The following CACNA2D3 variants were observed in gnomAD, a reference collection of about 807,000 sequenced individuals.
The protein encoded by CACNA2D3 is voltage-dependent calcium channel subunit alpha-2/delta-3.
CACNA2D3 carries 60 observed loss-of-function variants against 160.6 expected under a neutral mutation model. The observed-to-expected ratio is 0.37, with a 90% confidence interval of 0.30 to 0.46. CACNA2D3 has a LOEUF of 0.46. Among genes scored for constraint, CACNA2D3 ranks in the 20% least tolerant of loss-of-function variants. The pLI is 1.00. For missense variants in CACNA2D3, 1,205 were observed against 1,365.0 expected, an observed-to-expected ratio of 0.88 and a Z score of 1.85; for synonymous variants, 558 against 492.9, an observed-to-expected ratio of 1.13 and a Z score of -1.75.
intron 2 of CACNA2D3, among the ~76,000 whole-genome samples, chr3:54,246,660 G>C (rs911015087): frequency 7.3e-5 from 11 of 151,586 alleles, no homozygotes; most frequent in Non-Finnish European, 1.2e-4. Context: ...GGAGACGGAG[G>C]CTGCAGTGAG....
chr3:54,846,507 ATT>A, intron 17 of CACNA2D3, 40 bp downstream of exon 17: 1 of 1,302,172 alleles, frequency 7.7e-7, no homozygotes, highest in African/African-American at 1.5e-5. Flanking sequence ...TGCTTTTATG[ATT>A]TTAAAAGATT....
At chr3:54,620,872 T>C (rs1410856995) in intron 9 of CACNA2D3, among the ~76,000 whole-genome samples, 1 of 152,194 alleles carries the variant, frequency 6.6e-6, no homozygotes, top group Non-Finnish European at 1.5e-5. Flanking sequence ...TTAGGGGTGT[T>C]AGGAGGATCA....
rs201337593 is a variant in CACNA2D3, at chr3:54,452,020, T to C, written c.382-51472T>C. Among the ~76,000 whole-genome samples, 29 of 152,338 alleles carry C rather than the reference T, an allele frequency of 1.9e-4. No homozygotes were observed. The East Asian group carries it at 4.8e-3, about 25-fold the overall frequency. ...CAATAACATGTTCATAATTTCCTTT[T>C]AATGCCTCACTAGAAGTACCTTTAA... is the stretch of plus-strand genomic sequence containing the variant. On this transcript the variant is annotated intron_variant, in intron 4 of 37. Coordinates refer to ENST00000474759, the MANE Select transcript of CACNA2D3 (RefSeq NM_018398.3).
intron 4 of CACNA2D3, among the ~76,000 whole-genome samples, chr3:54,468,828 T>A (rs1700676712): frequency 6.6e-6 from 1 of 152,116 alleles, no homozygotes; most frequent in Non-Finnish European, 1.5e-5. Flanking sequence ...TCGAACTGGG[T>A]GGAGCCCACT....
intron 29 of CACNA2D3, among the ~76,000 whole-genome samples, chr3:54,972,075 A>G (rs1260463312): frequency 3.3e-5 from 5 of 152,212 alleles, no homozygotes; most frequent in Non-Finnish European, 7.3e-5. Context: ...GAAACCTCAG[A>G]CAGCAATGGT....
intron 9 of CACNA2D3, among the ~76,000 whole-genome samples, chr3:54,609,971 T>C (rs922728382): frequency 3.3e-5 from 5 of 152,226 alleles, no homozygotes; most frequent in African/African-American, 1.2e-4. Flanking sequence ...CAGGTCATGC[T>C]TCCTCGGAAG....
intron 11 of CACNA2D3, among the ~76,000 whole-genome samples, chr3:54,677,858 TAG>T (rs1700272796): frequency 6.6e-6 from 1 of 151,910 alleles, no homozygotes. Context: ...GTCTTAAAAA[TAG>T]ATACTCATCA....
intron 33 of CACNA2D3, among the ~76,000 whole-genome samples, 200 bp downstream of exon 33, chr3:55,008,042 T>G (rs1703134766): frequency 1.3e-5 from 2 of 152,230 alleles, no homozygotes; most frequent in Non-Finnish European, 2.9e-5. Flanking sequence ...TGATCACTCC[T>G]TATGCTATTA....
intron 21 of CACNA2D3, among the ~76,000 whole-genome samples, chr3:54,883,226 G>A (rs933177328): frequency 6.6e-6 from 1 of 152,172 alleles, no homozygotes; most frequent in African/African-American, 2.4e-5. Flanking sequence ...GTTTCACCAT[G>A]TTGGTTAGAC....
intron 2 of CACNA2D3, among the ~76,000 whole-genome samples, chr3:54,280,553 G>A (rs2107462168): frequency 6.6e-6 from 1 of 152,138 alleles, no homozygotes; most frequent in South Asian, 2.1e-4. Flanking sequence ...AAGAGGGAGA[G>A]TAAAGGAGTG....
At chr3:54,810,143 C>G (rs1209490015) in intron 13 of CACNA2D3, among the ~76,000 whole-genome samples, 1 of 152,108 alleles carries the variant, frequency 6.6e-6, no homozygotes, top group African/African-American at 2.4e-5. Flanking sequence ...AGAGCATTAA[C>G]CAACCAGAGG....
intron 3 of CACNA2D3, among the ~76,000 whole-genome samples, chr3:54,377,168 C>A (rs1222013800): frequency 6.6e-6 from 1 of 152,204 alleles, no homozygotes; most frequent in African/African-American, 2.4e-5. Context: ...TTGTGCCATT[C>A]TGAGGACATC....
chr3:54,193,058 T>C (rs1183801510), intron 2 of CACNA2D3, among the ~76,000 whole-genome samples: 1 of 152,248 alleles, frequency 6.6e-6, no homozygotes, highest in Non-Finnish European at 1.5e-5. Flanking sequence ...CCAGGCGCTC[T>C]GCTAAATGAT....
chr3:54,475,200 C>T (rs537826649), intron 4 of CACNA2D3, among the ~76,000 whole-genome samples: 1 of 152,314 alleles, frequency 6.6e-6, no homozygotes, highest in Non-Finnish European at 1.5e-5. Context: ...CCAAGCTTTG[C>T]TGGTGAATTC....
At chr3:54,385,583 T>G (rs967528348) in intron 3 of CACNA2D3, among the ~76,000 whole-genome samples, 1 of 152,212 alleles carries the variant, frequency 6.6e-6, no homozygotes, top group African/African-American at 2.4e-5. Context: ...GCCTGTCTCT[T>G]TCTTTGTATG....
At chr3:54,821,834 G>A (rs1703610789) in intron 14 of CACNA2D3, among the ~76,000 whole-genome samples, 1 of 151,750 alleles carries the variant, frequency 6.6e-6, no homozygotes, top group African/African-American at 2.4e-5. Context: ...GCAATTGCGA[G>A]GCATCATTTA....
chr3:54,778,393 G>A (rs1162506675), intron 13 of CACNA2D3, among the ~76,000 whole-genome samples: 4 of 151,634 alleles, frequency 2.6e-5, no homozygotes, highest in African/African-American at 7.3e-5. Flanking sequence ...CTCTCACACC[G>A]AGACCACTGT....
At chr3:54,542,526 G>T (rs1288888646) in intron 5 of CACNA2D3, among the ~76,000 whole-genome samples, 1 of 152,150 alleles carries the variant, frequency 6.6e-6, no homozygotes, top group Non-Finnish European at 1.5e-5. Context: ...TGTAGCCAAA[G>T]GCCCGAGAGT....
chr3:54,364,063 G>A (rs1698788723), intron 3 of CACNA2D3, among the ~76,000 whole-genome samples: 1 of 152,202 alleles, frequency 6.6e-6, no homozygotes, highest in Admixed American at 6.5e-5. Flanking sequence ...TGGCGCCTGA[G>A]CCCCTGCAGG....
Sources: allele counts gnomAD v4.1 joint callset (sites outside exome capture counted in the v4.1 genomes callset), GRCh38; gene constraint gnomAD v4.1.1; transcripts MANE v1.5; gene names NCBI Gene and HGNC (gene_info 2026-07-23, HGNC 2026-07-21).